CACNA1A: variants seen among roughly 807,000 people sequenced by gnomAD.
CACNA1A encodes the protein calcium voltage-gated channel subunit alpha1 A.
CACNA1A carries 57 observed loss-of-function variants against 262.4 expected under a neutral mutation model. The observed-to-expected ratio is 0.22, with a 90% confidence interval of 0.18 to 0.27. The LOEUF (loss-of-function observed/expected upper bound fraction) is 0.27. Among genes scored for constraint, CACNA1A ranks in the 10% least tolerant of loss-of-function variants. The probability of loss-of-function intolerance (pLI) is 1.00; values close to 1 mark genes in which losing one functional copy is unlikely to be tolerated. For synonymous variants in CACNA1A, 1,431 were observed against 1,419.3 expected, an observed-to-expected ratio of 1.01 and a Z score of -0.18; for missense variants, 2,526 against 3,562.8, an observed-to-expected ratio of 0.71 and a Z score of 7.41.
chr19:13,464,471 A>G (rs2061184359), intron 1 of CACNA1A, among the ~76,000 whole-genome samples: 1 of 151,962 alleles, frequency 6.6e-6, no homozygotes, highest in African/African-American at 2.4e-5. Context: ...GATACAATTT[A>G]TCTCATTGTA....
intron 6 of CACNA1A, among the ~76,000 whole-genome samples, chr19:13,344,741 TTTATTTATTTATTTA>T (rs2058733471): frequency 2.1e-5 from 1 of 47,242 alleles, no homozygotes; most frequent in Non-Finnish European, 5.5e-5. Context: ...ATTTATTTTA[TTTATTTATTTATTTA>T]TTTATTTATT....
chr19:13,488,390 C>CTTTTTTTTT (rs34348281), intron 1 of CACNA1A, among the ~76,000 whole-genome samples: 1 of 77,634 alleles, frequency 1.3e-5, no homozygotes, highest in African/African-American at 6.0e-5. Flanking sequence ...TTTTTCTTTT[C>CTTTTTTTTT]TTTTTTTTTT....
At position 13,466,789 on chromosome 19, in the gene CACNA1A, G is replaced by C. The variant is rs764341188; in HGVS notation, c.294-11577C>G. ...ATAAATTCCGTGATGTGAAATTGCT[G>C]ATTTTTTTTCCTCTGAGCCCTCAAC... On this transcript the variant is annotated intron_variant, in intron 1 of 46. Coordinates refer to ENST00000360228, the MANE Select transcript of CACNA1A (RefSeq NM_001127222.2). Among the ~76,000 whole-genome samples, 3 of 152,166 alleles carry C rather than the reference G, an allele frequency of 2.0e-5. No homozygotes were observed. The East Asian group carries it at 5.8e-4, about 29-fold the overall frequency.
chr19:13,344,371 C>T (rs2058725631), intron 6 of CACNA1A, among the ~76,000 whole-genome samples: 1 of 152,164 alleles, frequency 6.6e-6, no homozygotes, highest in Non-Finnish European at 1.5e-5. Flanking sequence ...TTCTCTGAAC[C>T]TATGCCTGGA....
intron 15 of CACNA1A, 69 bp from the exon 16 acceptor site, chr19:13,303,953 T>C (rs2144981403): frequency 8.6e-7 from 1 of 1,158,032 alleles, no homozygotes; most frequent in East Asian, 2.4e-5. Context: ...GATGCAGCTG[T>C]GGAGCCGGAA....
At chr19:13,445,433 C>T (rs1374054468) in intron 3 of CACNA1A, among the ~76,000 whole-genome samples, 2 of 152,196 alleles carry the variant, frequency 1.3e-5, no homozygotes, top group Non-Finnish European at 2.9e-5. Flanking sequence ...TTGGTCCCAT[C>T]TTCTAAACAG....
intron 9 of CACNA1A, among the ~76,000 whole-genome samples, chr19:13,331,042 T>A (rs1006895454): frequency 6.6e-6 from 1 of 152,116 alleles, no homozygotes; most frequent in African/African-American, 2.4e-5. Flanking sequence ...AGTTCAGGTG[T>A]AGACTTCCAA....
At chr19:13,377,848 G>A (rs1357087823) in intron 3 of CACNA1A, among the ~76,000 whole-genome samples, 1 of 151,374 alleles carries the variant, frequency 6.6e-6, no homozygotes, top group Non-Finnish European at 1.5e-5. Flanking sequence ...AACATTTGTG[G>A]CTGTTCCAGT....
chr19:13,429,838 T>TA (rs2060472803), intron 3 of CACNA1A, among the ~76,000 whole-genome samples: 1 of 151,410 alleles, frequency 6.6e-6, no homozygotes, highest in African/African-American at 2.4e-5. Context: ...CTGGAGGACA[T>TA]TATGCTCCAC....
intron 38 of CACNA1A, among the ~76,000 whole-genome samples, chr19:13,218,940 G>A (rs533295323): frequency 6.6e-6 from 1 of 152,258 alleles, no homozygotes; most frequent in South Asian, 2.1e-4. Flanking sequence ...CGCCATGTTG[G>A]CCAGGCTGGT....
chr19:13,277,051 C>T lies in CACNA1A; in HGVS notation c.3882+18G>A, dbSNP rs755297006. On this transcript the variant is annotated intron_variant, in intron 23 of 46. Coordinates refer to ENST00000360228, the MANE Select transcript of CACNA1A (RefSeq NM_001127222.2). ...AAAAAAAAATTACCGTGTGTTCTCA[C>T]TTATAATCTGCACTCACCTTGATCA... is the stretch of plus-strand genomic sequence containing the variant. 1 of 1,588,066 alleles carries T rather than the reference C, an allele frequency of 6.3e-7. No individual in the cohort carries two copies. The highest frequency in any genetic ancestry group is 8.6e-7 in the Non-Finnish European group (1 of 1,156,738).
At chr19:13,277,252 A>G (rs922083483) in intron 22 of CACNA1A, 124 bp from the exon 23 acceptor site, 5 of 657,490 alleles carry the variant, frequency 7.6e-6, no homozygotes, top group Non-Finnish European at 1.4e-5. Flanking sequence ...CAGCTGCTAT[A>G]TACAGTTGCG....
rs537294609 is a variant in CACNA1A at position 13,456,443 on chromosome 19, C to T, written c.294-1231G>A. On this transcript the variant is annotated intron_variant, in intron 1 of 46. Transcript: ENST00000360228. Reference sequence around the variant, plus strand: ...ATCCCAGAACTTTGGGAGGCCAAGGCGGGTGGATCATGAGGTCAGGAGATC... The same window carrying T: ...ATCCCAGAACTTTGGGAGGCCAAGGTGGGTGGATCATGAGGTCAGGAGATC... Among the ~76,000 whole-genome samples the T allele has an allele frequency of 6.6e-5, 10 of 151,820 alleles. No individual in the cohort carries two copies. In the South Asian group the frequency reaches 1.3e-3, roughly 19 times the overall value.
chr19:13,457,830 G>A (rs1392650524), intron 1 of CACNA1A, among the ~76,000 whole-genome samples: 1 of 142,808 alleles, frequency 7.0e-6, no homozygotes, highest in Non-Finnish European at 1.5e-5. Context: ...TCCAGCCTGG[G>A]CAACAAAAGC....
chr19:13,386,766 C>T (rs955825978), intron 3 of CACNA1A, among the ~76,000 whole-genome samples: 5 of 152,060 alleles, frequency 3.3e-5, no homozygotes, highest in Non-Finnish European at 2.9e-5. Flanking sequence ...GCACTCCAGC[C>T]TGGGCGACAG....
chr19:13,412,877 C>G (rs906088516), intron 3 of CACNA1A, among the ~76,000 whole-genome samples: 6 of 152,180 alleles, frequency 3.9e-5, no homozygotes, highest in Non-Finnish European at 8.8e-5. Context: ...TTGAAGACTA[C>G]TTTGGTAGGC....
chr19:13,448,081 T>G (rs915440463), intron 3 of CACNA1A, among the ~76,000 whole-genome samples: 3 of 123,564 alleles, frequency 2.4e-5, no homozygotes, highest in Non-Finnish European at 4.9e-5. Flanking sequence ...CGTGTTATTA[T>G]GAAAAAAAAA....
intron 19 of CACNA1A, among the ~76,000 whole-genome samples, chr19:13,294,021 G>T (rs747188748): frequency 2.6e-5 from 4 of 151,930 alleles, no homozygotes; most frequent in African/African-American, 9.7e-5. Flanking sequence ...CTGTCACTCT[G>T]CCTCCTTCAA....
At chr19:13,261,375 G>T (rs1441052822) in intron 26 of CACNA1A, 75 bp downstream of exon 26, 3 of 1,325,214 alleles carry the variant, frequency 2.3e-6, no homozygotes, top group African/African-American at 2.9e-5. Flanking sequence ...AGCCCAAGTG[G>T]CCAATGCCTC....
Sources: allele counts gnomAD v4.1 joint callset (sites outside exome capture counted in the v4.1 genomes callset), GRCh38; gene constraint gnomAD v4.1.1; transcripts MANE v1.5; gene names NCBI Gene and HGNC (gene_info 2026-07-23, HGNC 2026-07-21).